DEFB134: variants seen among roughly 807,000 people sequenced by gnomAD.
The protein encoded by DEFB134 is defensin beta 134, also known as beta-defensin 134.
A neutral mutation model predicts 7.4 loss-of-function variants in DEFB134; 7 were observed. The observed-to-expected ratio is 0.95, with a 90% CI of 0.54 to 1.79. DEFB134 has a LOEUF of 1.79. Among genes scored for constraint, DEFB134 ranks in the 40% most tolerant of loss-of-function variants. DEFB134 has a pLI of 0.00. For missense variants in DEFB134, 105 were observed against 74.8 expected (o/e 1.40, Z -1.49); for synonymous variants, 33 against 25.0 (o/e 1.32, Z -0.96).
upstream of DEFB134, among the ~76,000 whole-genome samples, chr8:11,997,124 A>T (rs1221748773): frequency 6.6e-6 from 1 of 152,146 alleles, no homozygotes; most frequent in East Asian, 1.9e-4. Flanking sequence ...TGCTGACACT[A>T]TAGATTACTT....
upstream of DEFB134, among the ~76,000 whole-genome samples, chr8:11,997,678 A>G (rs1192293262): frequency 6.6e-6 from 1 of 152,240 alleles, no homozygotes; most frequent in African/African-American, 2.4e-5. Context: ...TAACAATCCT[A>G]AATATATATG....
upstream of DEFB134, among the ~76,000 whole-genome samples, chr8:12,000,382 A>G (rs1190733388): frequency 6.6e-6 from 1 of 152,214 alleles, no homozygotes; most frequent in East Asian, 1.9e-4. Flanking sequence ...CATCAGTGCC[A>G]AAGGTATATT....
upstream of DEFB134, among the ~76,000 whole-genome samples, chr8:11,996,558 T>A (rs1312006094): frequency 6.6e-6 from 1 of 152,210 alleles, no homozygotes; most frequent in Non-Finnish European, 1.5e-5. Flanking sequence ...CTCTTTTAAA[T>A]GAGTAAAATT....
At chr8:11,999,725 G>C (rs1488937777), upstream of DEFB134, among the ~76,000 whole-genome samples, 1 of 152,188 alleles carries the variant, frequency 6.6e-6, no homozygotes, top group Non-Finnish European at 1.5e-5. Flanking sequence ...ACCTCCCCTG[G>C]CTCAGCGTCT....
chr8:12,000,589 T>C (rs1800244424), upstream of DEFB134, among the ~76,000 whole-genome samples: 1 of 152,202 alleles, frequency 6.6e-6, no homozygotes, highest in Admixed American at 6.5e-5. Context: ...TTTATAAATT[T>C]GGCACAGTAA....
chr8:11,994,426 T>C (rs1003143737), intron 1 of DEFB134, among the ~76,000 whole-genome samples: 1 of 152,212 alleles, frequency 6.6e-6, no homozygotes, highest in Non-Finnish European at 1.5e-5. Context: ...TCCAATAGGA[T>C]TGATGGTCTT....
upstream of DEFB134, chr8:11,999,541 G>A (rs192651948): frequency 6.6e-6 from 1 of 152,304 alleles, no homozygotes; most frequent in Non-Finnish European, 1.5e-5. Context: ...CCCCAGAACG[G>A]ACTATTACTA....
chr8:11,997,743 GA>G (rs1800163174), upstream of DEFB134, among the ~76,000 whole-genome samples: 1 of 152,194 alleles, frequency 6.6e-6, no homozygotes, highest in Non-Finnish European at 1.5e-5. Flanking sequence ...GACCTATGAA[GA>G]GACTTAGATA....
Position 11,993,878 on chromosome 8 carries a change from G to A in DEFB134, c.*102C>T, listed in dbSNP as rs1350800856. On this transcript the variant is annotated 3_prime_UTR_variant, in exon 2 of 2. Coordinates refer to ENST00000526438, the Ensembl canonical transcript of DEFB134. ...AAAAATGCTAAAAACCAGTAGTCATGGACACATCATGGTGTCACAGTTTGA... is the reference window on the plus strand; with the variant it reads ...AAAAATGCTAAAAACCAGTAGTCATAGACACATCATGGTGTCACAGTTTGA... 2.0e-6 allele frequency: 3 copies of A among 1,468,970 alleles called. No individual in the cohort carries two copies. In the East Asian group the frequency reaches 6.9e-5, roughly 34 times the overall value. 91.0% of individuals were successfully genotyped at this position (1,468,970 alleles called of 1,614,324 possible). A position where few individuals can be genotyped will look rare whatever the true frequency, so the allele number is the denominator to read the frequency against.
intron 1 of DEFB134, among the ~76,000 whole-genome samples, chr8:11,994,722 T>C (rs565290098): frequency 6.6e-6 from 1 of 152,340 alleles, no homozygotes; most frequent in South Asian, 2.1e-4. Flanking sequence ...AAATAATTAC[T>C]TACTCATTAT....
At chr8:11,993,643 G>C (rs1192901751) in exon 2 of DEFB134, 1 of 199,666 alleles carries the variant, frequency 5.0e-6, no homozygotes, top group African/African-American at 2.3e-5. Flanking sequence ...ACACGACTTA[G>C]GTGTCAAAAG....
upstream of DEFB134, among the ~76,000 whole-genome samples, chr8:12,000,691 C>G (rs574108943): frequency 6.6e-6 from 1 of 152,320 alleles, no homozygotes; most frequent in African/African-American, 2.4e-5. Flanking sequence ...AACTCTGTCT[C>G]CCCCAAAATA....
At chr8:11,999,121 C>A (rs539305945), upstream of DEFB134, 3 of 158,490 alleles carry the variant, frequency 1.9e-5, no homozygotes, top group Non-Finnish European at 4.2e-5. Flanking sequence ...CTCAAGTGAG[C>A]CCCAGCTGGA....
At chr8:11,994,105 A>G in exon 2 of DEFB134, 1 of 1,612,258 alleles carries the variant, frequency 6.2e-7, no homozygotes, top group Non-Finnish European at 8.5e-7. Flanking sequence ...TGCATTTCTG[A>G]TGATAATGAA....
At chr8:11,995,616 C>A (rs1800098225) in intron 1 of DEFB134, among the ~76,000 whole-genome samples, 1 of 152,206 alleles carries the variant, frequency 6.6e-6, no homozygotes, top group African/African-American at 2.4e-5. Flanking sequence ...ACTAGCCGTT[C>A]TAAATCTGTT....
intron 1 of DEFB134, among the ~76,000 whole-genome samples, chr8:11,995,358 G>A (rs1183793966): frequency 6.6e-6 from 1 of 152,166 alleles, no homozygotes; most frequent in East Asian, 1.9e-4. Context: ...ATCTGAAGAT[G>A]TGATTCATTT....
intron 1 of DEFB134, among the ~76,000 whole-genome samples, chr8:11,994,739 T>A (rs951541182): frequency 6.6e-6 from 1 of 152,240 alleles, no homozygotes; most frequent in Admixed American, 6.5e-5. Context: ...TTATTATTCA[T>A]AAACCAATTT....
chr8:11,994,031 G>A (rs374586657), exon 2 of DEFB134: 1 of 1,613,856 alleles, frequency 6.2e-7, no homozygotes, highest in African/African-American at 1.3e-5. Flanking sequence ...ACATACAGTA[G>A]GCAACTAACA....
At chr8:11,995,391 A>G (rs1158240996) in intron 1 of DEFB134, among the ~76,000 whole-genome samples, 1 of 152,188 alleles carries the variant, frequency 6.6e-6, no homozygotes, top group Non-Finnish European at 1.5e-5. Context: ...CTTCAGGCAA[A>G]CACTTCAGTC....
Sources: allele counts gnomAD v4.1 joint callset (sites outside exome capture counted in the v4.1 genomes callset), GRCh38; gene constraint gnomAD v4.1.1; transcripts MANE v1.5; gene names NCBI Gene and HGNC (gene_info 2026-07-23, HGNC 2026-07-21).